Variants in GPR158 observed in about 807,000 individuals in gnomAD.
GPR158 encodes metabotropic glycine receptor.
A neutral mutation model predicts 78.2 loss-of-function variants in GPR158; 30 were observed. The observed-to-expected ratio is 0.38, with a 90% CI of 0.29 to 0.52. GPR158 has a LOEUF of 0.52. Among genes scored for constraint, GPR158 ranks in the 20% least tolerant of loss-of-function variants. The pLI, the probability that GPR158 is intolerant of heterozygous loss-of-function variation, is 0.83. For synonymous variants in GPR158, 581 were observed against 591.1 expected (o/e 0.98, Z 0.25); for missense variants, 1,463 against 1,523.5 (o/e 0.96, Z 0.66).
intron 2 of GPR158, among the ~76,000 whole-genome samples, chr10:25,306,593 A>G (rs1307860989): frequency 6.6e-6 from 1 of 152,138 alleles, no homozygotes; most frequent in East Asian, 1.9e-4. Flanking sequence ...ATACACACAT[A>G]CTTCTGTTGT....
At chr10:25,282,137 C>T (rs771139599) in intron 2 of GPR158, among the ~76,000 whole-genome samples, 5 of 152,162 alleles carry the variant, frequency 3.3e-5, no homozygotes, top group Non-Finnish European at 7.4e-5. Context: ...CATCCACTAG[C>T]CCTCACCCTA....
chr10:25,178,715 C>T (rs1173502014), intron 1 of GPR158, among the ~76,000 whole-genome samples: 1 of 152,130 alleles, frequency 6.6e-6, no homozygotes, highest in Non-Finnish European at 1.5e-5. Context: ...TGCTTTGGCC[C>T]CATATCCTGT....
rs748512769 is a variant in GPR158 at position 25,598,818 on chromosome 10, G to C, written c.3192G>C (p.Lys1064Asn). ...AGGTTTGTCAGCAATCCAATCAGAA[G>C]CGCATAGATAAGGCTGAAGTATGCC... ...AAEVCQQSNQ[K>N]RIDKAEVCLW... Residue 1064 changes from lysine to asparagine, a missense_variant, in exon 11 of 11, where the codon AAG becomes AAC. Coordinates refer to ENST00000376351, the MANE Select transcript of GPR158 (RefSeq NM_020752.3). 2 of 1,614,108 alleles carry C rather than the reference G, an allele frequency of 1.2e-6. No individual in the cohort carries two copies. The highest frequency in any genetic ancestry group is 4.5e-5 in the East Asian group (2 of 44,876).
chr10:25,180,173 CA>C (rs1467133481), intron 1 of GPR158, among the ~76,000 whole-genome samples: 1 of 152,088 alleles, frequency 6.6e-6, no homozygotes, highest in African/African-American at 2.4e-5. Flanking sequence ...AGCTGAGACC[CA>C]AATAGCTAAA....
intron 7 of GPR158, among the ~76,000 whole-genome samples, chr10:25,576,945 G>A (rs555297168): frequency 7.1e-6 from 1 of 139,910 alleles, no homozygotes; most frequent in East Asian, 2.0e-4. Context: ...CCCAAAGTGT[G>A]CTCATCCCAT....
At chr10:25,417,649 CA>C (rs1834681090) in intron 4 of GPR158, among the ~76,000 whole-genome samples, 3 of 152,120 alleles carry the variant, frequency 2.0e-5, no homozygotes, top group Admixed American at 2.0e-4. Context: ...AACAAGAAGA[CA>C]GTTGATTGTG....
chr10:25,460,661 A>G (rs1024509296), intron 4 of GPR158, among the ~76,000 whole-genome samples: 1 of 152,196 alleles, frequency 6.6e-6, no homozygotes, highest in African/African-American at 2.4e-5. Context: ...GGAAACAAAC[A>G]AACAAACATT....
intron 2 of GPR158, among the ~76,000 whole-genome samples, chr10:25,245,858 TA>T (rs1853682619): frequency 6.6e-6 from 1 of 152,184 alleles, no homozygotes; most frequent in African/African-American, 2.4e-5. Flanking sequence ...CAGATACAGA[TA>T]AAAATTATGA....
intron 4 of GPR158, among the ~76,000 whole-genome samples, chr10:25,428,665 C>T (rs11014547): frequency 0.12 from 18,393 of 151,924 alleles, 1,154 homozygotes; most frequent in East Asian, 0.17. Flanking sequence ...AAGGGATTTC[C>T]GGACCATTTC....
intron 2 of GPR158, 83 bp from the exon 3 acceptor site, chr10:25,395,828 A>T: frequency 1.7e-6 from 1 of 584,334 alleles, no homozygotes; most frequent in South Asian, 2.6e-5. Flanking sequence ...TTCTGTTACC[A>T]TTTGCAATGA....
chr10:25,309,190 A>G (rs923136333), intron 2 of GPR158, among the ~76,000 whole-genome samples: 7 of 151,032 alleles, frequency 4.6e-5, no homozygotes, highest in Admixed American at 2.6e-4. Context: ...TAAGAGTTTC[A>G]ACTTTGCCAT....
At chr10:25,197,495 C>T (rs757599096) in intron 1 of GPR158, among the ~76,000 whole-genome samples, 10 of 151,850 alleles carry the variant, frequency 6.6e-5, no homozygotes, top group Non-Finnish European at 1.2e-4. Flanking sequence ...TGAATAAGAT[C>T]CAGCATAAAA....
intron 2 of GPR158, among the ~76,000 whole-genome samples, chr10:25,360,502 T>G (rs1442494197): frequency 2.6e-5 from 4 of 152,148 alleles, no homozygotes; most frequent in African/African-American, 9.7e-5. Context: ...ATTTATTAAA[T>G]AGGGAATCCT....
chr10:25,213,819 G>A (rs1466834303), intron 1 of GPR158, among the ~76,000 whole-genome samples: 1 of 151,972 alleles, frequency 6.6e-6, no homozygotes, highest in Non-Finnish European at 1.5e-5. Flanking sequence ...ATTTTATATT[G>A]TCTATCATCT....
intron 2 of GPR158, among the ~76,000 whole-genome samples, chr10:25,359,512 G>A (rs1220420590): frequency 6.6e-6 from 1 of 152,022 alleles, no homozygotes; most frequent in Non-Finnish European, 1.5e-5. Context: ...TGTGGTGGTG[G>A]TTTTTCTCTT....
chr10:25,373,964 T>C (rs1443888630), intron 2 of GPR158, among the ~76,000 whole-genome samples: 2 of 151,720 alleles, frequency 1.3e-5, no homozygotes, highest in Non-Finnish European at 1.5e-5. Context: ...GTTGTTCAAA[T>C]CTTCATACTT....
At chr10:25,390,352 G>A (rs774797864) in intron 2 of GPR158, among the ~76,000 whole-genome samples, 1 of 152,230 alleles carries the variant, frequency 6.6e-6, no homozygotes, top group East Asian at 1.9e-4. Flanking sequence ...GCTTCCTAGA[G>A]ACTTGTTGAA....
At chr10:25,398,228 A>G (rs1834392506) in intron 3 of GPR158, among the ~76,000 whole-genome samples, 1 of 152,218 alleles carries the variant, frequency 6.6e-6, no homozygotes, top group Non-Finnish European at 1.5e-5. Context: ...CAGGGAAATA[A>G]TAAACAGACA....
chr10:25,229,200 G>A (rs1279156204), intron 2 of GPR158, among the ~76,000 whole-genome samples: 1 of 152,092 alleles, frequency 6.6e-6, no homozygotes, highest in African/African-American at 2.4e-5. Context: ...GGAAGAAGAC[G>A]ATGGAGAAAG....
Sources: gnomAD v4.1 joint callset for allele counts (sites outside exome capture counted in the v4.1 genomes callset) on GRCh38, gnomAD v4.1.1 for gene constraint, MANE v1.5 for transcripts, NCBI Gene and HGNC (gene_info 2026-07-23, HGNC 2026-07-21) for gene names.